Variants in SOCS7 observed in about 807,000 individuals in gnomAD.
The protein encoded by SOCS7 is NAP-4.
In SOCS7, 18 loss-of-function variants were observed where a neutral mutation model predicts 58.9. The ratio of observed to expected loss-of-function variants is 0.31; its 90% CI spans 0.21 to 0.45. SOCS7 has a LOEUF of 0.45. Among genes scored for constraint, SOCS7 ranks in the 20% least tolerant of loss-of-function variants. The pLI is 1.00. For synonymous variants in SOCS7, 388 were observed against 364.3 expected, an observed-to-expected ratio of 1.06 and a Z score of -0.74; for missense variants, 667 against 837.3, an observed-to-expected ratio of 0.80 and a Z score of 2.51.
In SOCS7 at chr17:38,367,747, C is replaced by T. The variant is rs1597691228; in HGVS notation, c.1384-135C>T. 7.2e-6 allele frequency: 5 copies of T among 695,292 alleles called. No homozygotes were observed. In the East Asian group the frequency reaches 1.4e-4, roughly 19 times the overall value. The allele number at this position is 695,292 out of a possible 1,614,324, so 43.1% of individuals were successfully genotyped here. A position where few individuals can be genotyped will look rare whatever the true frequency, so the allele number is the denominator to read the frequency against. On this transcript the variant is annotated intron_variant, in intron 5 of 9. Transcript: ENST00000612932. ...ATGTTCATTGCTAATGGTTGAGACA[C>T]TTGTAAGTGGCTTTTACCTATTGAA...
At chr17:38,365,117 C>T (rs116229645) in intron 3 of SOCS7, among the ~76,000 whole-genome samples, 191 bp from the exon 4 acceptor site, 50 of 152,296 alleles carry the variant, frequency 3.3e-4, no homozygotes, top group African/African-American at 1.2e-3. Flanking sequence ...TTAGGAATAT[C>T]CTTACTACCC....
intron 1 of SOCS7, among the ~76,000 whole-genome samples, chr17:38,357,303 C>G (rs1555566932): frequency 6.6e-6 from 1 of 152,142 alleles, no homozygotes; most frequent in Non-Finnish European, 1.5e-5. Context: ...CGAGGAAGTT[C>G]TGATTTTATG....
In SOCS7 at chr17:38,375,838, A is replaced by G. The variant is rs564978295; in HGVS notation, c.1553-1876A>G. On this transcript the variant is annotated intron_variant, in intron 6 of 9. Coordinates refer to ENST00000612932, the MANE Select transcript of SOCS7 (RefSeq NM_014598.4). ...ACAAAACCAATTTTTTTTTTTTTTG[A>G]GACAAAGTTTCGCTCTTATTGCCCA... 5.3e-5 allele frequency: 8 copies of G among 149,596 alleles called. No homozygotes were observed. In the East Asian group the frequency reaches 1.6e-3, roughly 29 times the overall value. 9.3% of individuals were successfully genotyped at this position (149,596 alleles called of 1,614,324 possible). A position where few individuals can be genotyped will look rare whatever the true frequency, so the allele number is the denominator to read the frequency against.
chr17:38,383,253 G>A (rs2038026180), intron 7 of SOCS7, among the ~76,000 whole-genome samples: 1 of 152,168 alleles, frequency 6.6e-6, no homozygotes, highest in African/African-American at 2.4e-5. Flanking sequence ...TTATAGGGTT[G>A]TTTTGAGGAA....
chr17:38,370,651 ATT>A (rs1357286573), intron 6 of SOCS7, among the ~76,000 whole-genome samples: 6 of 140,506 alleles, frequency 4.3e-5, no homozygotes, highest in Non-Finnish European at 4.7e-5. Context: ...TATAACCGGA[ATT>A]TTTTTTTTTT....
At chr17:38,389,948 G>GTC (rs775269683) in intron 7 of SOCS7, among the ~76,000 whole-genome samples, 1 of 73,332 alleles carries the variant, frequency 1.4e-5, no homozygotes. Flanking sequence ...GAGAGACAGA[G>GTC]TCTCTCTCTG....
rs1443731780 is a variant in SOCS7, at chr17:38,352,346, C to T, written c.294C>T (p.Ala98=). 2.0e-6 allele frequency: 3 copies of T among 1,475,468 alleles called. No individual in the cohort carries two copies. Among genetic ancestry groups the T allele is most frequent in the East Asian group, 5.5e-5 (2 of 36,210 alleles). 91.4% of individuals were successfully genotyped at this position (1,475,468 alleles called of 1,614,324 possible). ...SELLCPRHRC[A]LDPKALPPGL... is the part of the protein sequence containing the mutation. ...TGCTGTGTCCCCGGCACCGCTGTGC[C>T]CTGGACCCCAAGGCCCTGCCGCCGG... Residue 98 remains alanine, a synonymous_variant, in exon 1 of 10, where the codon GCC becomes GCT. Transcript: ENST00000612932. The surrounding 1 kb of genome is among the most constrained non-coding windows in gnomAD (Gnocchi z 5.5).
chr17:38,355,800 T>C (rs867463878), intron 1 of SOCS7, among the ~76,000 whole-genome samples: 40 of 152,200 alleles, frequency 2.6e-4, no homozygotes, highest in African/African-American at 9.4e-4. Context: ...AAAACTTCCT[T>C]TTAGTTGCTT....
chr17:38,366,011 C>T, intron 4 of SOCS7: 1 of 1,203,250 alleles, frequency 8.3e-7, no homozygotes, highest in Non-Finnish European at 1.0e-6. Context: ...TGGTGAAGCC[C>T]CTGAAGTAGT....
At chr17:38,353,559 T>A (rs2037591486) in intron 1 of SOCS7, among the ~76,000 whole-genome samples, 1 of 152,206 alleles carries the variant, frequency 6.6e-6, no homozygotes, top group Non-Finnish European at 1.5e-5. Context: ...GGTTGTTCCC[T>A]TAGATGAACT....
At chr17:38,358,982 C>G (rs986453301) in intron 1 of SOCS7, among the ~76,000 whole-genome samples, 1 of 152,196 alleles carries the variant, frequency 6.6e-6, no homozygotes, top group African/African-American at 2.4e-5. Context: ...TTCTTCAGTG[C>G]TTGGCACTGA....
chr17:38,353,019 C>A lies in SOCS7; in HGVS notation c.967C>A (p.Leu323Met), dbSNP rs986277283. 2 of 1,589,900 alleles carry A rather than the reference C, an allele frequency of 1.3e-6. No homozygotes were observed. The highest frequency in any genetic ancestry group is 1.7e-6 in the Non-Finnish European group (2 of 1,169,176). ...TDMGGSAGRE[L>M]DAGRKPKLTR... ...CATGGGAGGCTCTGCGGGCCGGGAGCTGGACGCGGGGAGGTGAGACCGGCC... is the reference window on the plus strand; with the variant it reads ...CATGGGAGGCTCTGCGGGCCGGGAGATGGACGCGGGGAGGTGAGACCGGCC... Residue 323 changes from leucine (L) to methionine (M), a missense_variant, in exon 1 of 10, where the codon CTG (leucine) becomes ATG (methionine). Physicochemically the swap from Leu to Met is conservative, Grantham distance 15. Transcript: ENST00000612932.
chr17:38,388,228 A>C (rs1189007979), intron 7 of SOCS7, among the ~76,000 whole-genome samples: 1 of 152,066 alleles, frequency 6.6e-6, no homozygotes, highest in East Asian at 1.9e-4. Flanking sequence ...ATTGAGATAT[A>C]ATTCACATAA....
chr17:38,394,518 A>G (rs1428609877), intron 7 of SOCS7, among the ~76,000 whole-genome samples: 1 of 152,142 alleles, frequency 6.6e-6, no homozygotes, highest in Non-Finnish European at 1.5e-5. Flanking sequence ...CTGCTGAACC[A>G]GCCTCTGCTG....
intron 2 of SOCS7, 39 bp downstream of exon 2, chr17:38,361,814 C>T (rs2037723615): frequency 6.8e-7 from 1 of 1,473,306 alleles, no homozygotes; most frequent in Non-Finnish European, 9.3e-7. Flanking sequence ...CATCTGAAAA[C>T]AGGGGCGTTC....
chr17:38,367,822 C>T, intron 5 of SOCS7, 60 bp from the exon 6 acceptor site: 1 of 1,505,410 alleles, frequency 6.6e-7, no homozygotes, highest in Non-Finnish European at 9.1e-7. Context: ...ATAGATTGCA[C>T]TGAAAACTTT....
chr17:38,390,522 A>G (rs2038156620), intron 7 of SOCS7, among the ~76,000 whole-genome samples: 2 of 152,124 alleles, frequency 1.3e-5, no homozygotes, highest in Non-Finnish European at 2.9e-5. Flanking sequence ...TGGGGAGGGA[A>G]TATTGGCATG....
At chr17:38,384,891 C>CTTTTT (rs71138614) in intron 7 of SOCS7, among the ~76,000 whole-genome samples, 1 of 76,662 alleles carries the variant, frequency 1.3e-5, no homozygotes, top group Admixed American at 1.6e-4. Flanking sequence ...GCACCCAGCT[C>CTTTTT]TTTTTTTTTT....
At chr17:38,364,721 C>G (rs371259152) in intron 2 of SOCS7, 31 bp from the exon 3 acceptor site, 1 of 1,587,812 alleles carries the variant, frequency 6.3e-7, no homozygotes, top group Non-Finnish European at 8.6e-7. Context: ...CAAGGCGCTT[C>G]TGTAACTTGC....
Sources: gnomAD v4.1 joint callset for allele counts (sites outside exome capture counted in the v4.1 genomes callset) on GRCh38, gnomAD v4.1.1 for gene constraint, Gnocchi (gnomAD v3.1) non-coding constraint, MANE v1.5 for transcripts, NCBI Gene and HGNC (gene_info 2026-07-23, HGNC 2026-07-21) for gene names.